Variants in FMNL2 observed in about 807,000 individuals in gnomAD.
The protein encoded by FMNL2 is formin-like protein 2.
Under a neutral mutation model 130.2 loss-of-function variants are expected in FMNL2, and 51 were observed. The ratio of observed to expected loss-of-function variants is 0.39; its 90% CI spans 0.31 to 0.49. The LOEUF (loss-of-function observed/expected upper bound fraction) is 0.49. Among genes scored for constraint, FMNL2 ranks in the 20% least tolerant of loss-of-function variants. FMNL2 has a pLI of 0.85. For synonymous variants in FMNL2, 465 were observed against 467.1 expected, an observed-to-expected ratio of 1.00 and a Z score of 0.06; for missense variants, 977 against 1,316.2, an observed-to-expected ratio of 0.74 and a Z score of 3.99.
chr2:152,534,311 G>A (rs143480195), intron 2 of FMNL2, among the ~76,000 whole-genome samples: 49 of 152,150 alleles, frequency 3.2e-4, no homozygotes, highest in African/African-American at 9.6e-4. Flanking sequence ...CAATAAAACC[G>A]CCTCAGTGAA....
chr2:152,423,288 C>G (rs1456687001), intron 1 of FMNL2, among the ~76,000 whole-genome samples: 2 of 152,134 alleles, frequency 1.3e-5, no homozygotes, highest in African/African-American at 4.8e-5. Flanking sequence ...TTCGTTGATT[C>G]CTCTTGACAC....
intron 15 of FMNL2, among the ~76,000 whole-genome samples, chr2:152,624,464 TC>T (rs201922033): frequency 2.0e-5 from 3 of 151,320 alleles, no homozygotes; most frequent in Non-Finnish European, 4.4e-5. Flanking sequence ...TTCTTTTCCT[TC>T]CCCCCCGCCC....
At chr2:152,494,786 C>T (rs1462678255) in intron 1 of FMNL2, among the ~76,000 whole-genome samples, 1 of 151,932 alleles carries the variant, frequency 6.6e-6, no homozygotes, top group Non-Finnish European at 1.5e-5. Flanking sequence ...CAGAGAAAGC[C>T]CTGGGTTATC....
intron 9 of FMNL2, among the ~76,000 whole-genome samples, chr2:152,585,306 GC>G (rs149880724): frequency 0.02 from 3,114 of 152,098 alleles, 76 homozygotes; most frequent in Non-Finnish European, 0.022. Context: ...TTTATTAATA[GC>G]CCCATGGAAG....
rs13029667 is a variant in FMNL2, at chr2:152,424,292, C to T, written c.117+88572C>T. On this transcript the variant is annotated intron_variant, in intron 1 of 25. Transcript: ENST00000288670. Reference sequence around the variant, plus strand: ...ATTTAGTAAATATAACGGATTAGCGCGTTTTGGTGGGAGGAAAATTTGACT... The same window carrying T: ...ATTTAGTAAATATAACGGATTAGCGTGTTTTGGTGGGAGGAAAATTTGACT... 9.0e-3 allele frequency among the ~76,000 whole-genome samples: 1,314 copies of T among 146,450 alleles called. 11 individuals are homozygous for T. The highest frequency in any genetic ancestry group is 0.026 in the African/African-American group (1,017 of 39,528).
In FMNL2 at chr2:152,493,823, C is replaced by T. The variant is rs533389382; in HGVS notation, c.118-28120C>T. On this transcript the variant is annotated intron_variant, in intron 1 of 25. Transcript: ENST00000288670. ...ATAAACCTTTTCTTTAGAAATTACG[C>T]AGCCTTGGGTATCCCTTTATAGCAA... Among the ~76,000 whole-genome samples, 16 of 152,318 alleles carry T rather than the reference C, an allele frequency of 1.1e-4. No homozygotes were observed. The South Asian group carries it at 2.5e-3, about 24-fold the overall frequency.
chr2:152,375,877 C>CTCTATATATATATATATATATATATA (rs796954245), intron 1 of FMNL2, among the ~76,000 whole-genome samples: 1 of 112,484 alleles, frequency 8.9e-6, no homozygotes, highest in South Asian at 3.6e-4. Flanking sequence ...CTCTCTCTCT[C>CTCTATATATATATATATATATATATA]TATATATATA....
chr2:152,603,222 T>C (rs556572713), intron 9 of FMNL2, among the ~76,000 whole-genome samples: 1 of 152,262 alleles, frequency 6.6e-6, no homozygotes, highest in African/African-American at 2.4e-5. Flanking sequence ...CAAAGCAGCC[T>C]TGGGTCTGGT....
At position 152,499,984 on chromosome 2, in the gene FMNL2, A is replaced by G. The variant is rs1306333814; in HGVS notation, c.118-21959A>G. On this transcript the variant is annotated intron_variant, in intron 1 of 25. Transcript: ENST00000288670. ...TCTCTTTTTCCTCTAGCCTGGAGGA[A>G]GTCTGTCTGCTTTCTCTTTTGCAGT... 3.9e-5 allele frequency among the ~76,000 whole-genome samples: 6 copies of G among 152,302 alleles called. No homozygotes were observed. The East Asian group carries it at 1.2e-3, about 29-fold the overall frequency.
Position 152,575,225 on chromosome 2 carries a change from GT to G in FMNL2, c.687del (p.Ala230ProfsTer3). ...GTGCATGTCTGTATCATGTGTTTAC[GT>G]GCCATCATGAATTATCAGGTATGTT... is the stretch of plus-strand genomic sequence containing the variant. ...DDVHVCIMCLRAIMNYQYGFN... is the reference protein window; with the variant it reads ...DDVHVCIMCLXAIMNYQYGFN... On this transcript the variant is annotated frameshift_variant, in exon 7 of 26. Coordinates refer to ENST00000288670, the MANE Select transcript of FMNL2 (RefSeq NM_052905.4). LOFTEE classifies it high-confidence loss of function. The G allele has an allele frequency of 6.3e-7, 1 of 1,597,510 alleles. No individual in the cohort carries two copies. The highest frequency in any genetic ancestry group is 8.5e-7 in the Non-Finnish European group (1 of 1,170,648).
intron 2 of FMNL2, among the ~76,000 whole-genome samples, chr2:152,540,220 A>T (rs1694234106): frequency 1.3e-5 from 2 of 152,164 alleles, no homozygotes; most frequent in Admixed American, 1.3e-4. Context: ...TAGATAGCTC[A>T]TCAGTTCATT....
chr2:152,544,011 T>A (rs1244642138), intron 3 of FMNL2, among the ~76,000 whole-genome samples: 1 of 152,148 alleles, frequency 6.6e-6, no homozygotes, highest in Non-Finnish European at 1.5e-5. Context: ...TGTTGTCAGG[T>A]CTTACACCTG....
At chr2:152,489,549 C>G (rs868236778) in intron 1 of FMNL2, among the ~76,000 whole-genome samples, 5 of 152,196 alleles carry the variant, frequency 3.3e-5, no homozygotes, top group Non-Finnish European at 7.3e-5. Flanking sequence ...ATTAACAGAA[C>G]AGCTGACCTA....
chr2:152,638,904 G>T (rs1031696204), intron 23 of FMNL2, among the ~76,000 whole-genome samples: 1 of 152,226 alleles, frequency 6.6e-6, no homozygotes, highest in Non-Finnish European at 1.5e-5. Flanking sequence ...AAGACAGGTT[G>T]GGAAGTGGCT....
rs769126269 is a variant in FMNL2, at chr2:152,390,432, A to G, written c.117+54712A>G. On this transcript the variant is annotated intron_variant, in intron 1 of 25. Transcript: ENST00000288670. The stretch of plus-strand genomic sequence containing the variant: ...CTTGGTGTCCAGTGACCCTAAGATC[A>G]ATACCAAGATGATTAACCCTGAGAA... 4 of 1,198,766 alleles carry G rather than the reference A, an allele frequency of 3.3e-6. No individual in the cohort carries two copies. The South Asian group carries it at 3.6e-5, about 11-fold the overall frequency. 74.3% of individuals were successfully genotyped at this position (1,198,766 alleles called of 1,614,324 possible). A position where few individuals can be genotyped will look rare whatever the true frequency, so the allele number is the denominator to read the frequency against.
chr2:152,416,349 A>C lies in FMNL2; in HGVS notation c.117+80629A>C, dbSNP rs551475516. Reference sequence around the variant, plus strand: ...GGAATTGACTTGGGAAGTGGTGTTCACTTCTTTTATCAAAGCAAAACTAGT... The same window carrying C: ...GGAATTGACTTGGGAAGTGGTGTTCCCTTCTTTTATCAAAGCAAAACTAGT... On this transcript the variant is annotated intron_variant, in intron 1 of 25. Transcript: ENST00000288670. Among the ~76,000 whole-genome samples the C allele has an allele frequency of 5.3e-5, 8 of 152,318 alleles. No homozygotes were observed. The South Asian group carries it at 1.7e-3, about 32-fold the overall frequency.
chr2:152,338,836 C>CACACACACACACAT (rs1553862443), intron 1 of FMNL2, among the ~76,000 whole-genome samples: 5 of 151,324 alleles, frequency 3.3e-5, no homozygotes, highest in Admixed American at 1.3e-4. Flanking sequence ...CACACACACA[C>CACACACACACACAT]ACACACACAC....
intron 3 of FMNL2, among the ~76,000 whole-genome samples, chr2:152,544,639 T>C (rs1185325874): frequency 6.6e-6 from 1 of 152,178 alleles, no homozygotes; most frequent in African/African-American, 2.4e-5. Flanking sequence ...GCAGAGATGC[T>C]GATGTTTATA....
intron 1 of FMNL2, among the ~76,000 whole-genome samples, chr2:152,471,472 GCAC>G (rs3047933): frequency 0.22 from 33,096 of 151,922 alleles, 4,337 homozygotes; most frequent in East Asian, 0.39. Context: ...CCTGTACCTA[GCAC>G]TTGACTGCAG....
Sources: allele counts gnomAD v4.1 joint callset (sites outside exome capture counted in the v4.1 genomes callset), GRCh38; gene constraint gnomAD v4.1.1; transcripts MANE v1.5; gene names NCBI Gene and HGNC (gene_info 2026-07-23, HGNC 2026-07-21).